The following TAF2 variants were observed in gnomAD, a reference collection of about 807,000 sequenced individuals.
The protein encoded by TAF2 is TATA-box binding protein associated factor 2.
Under a neutral mutation model 138.5 loss-of-function variants are expected in TAF2, and 61 were observed. The observed-to-expected ratio is 0.44, with a 90% CI of 0.36 to 0.54. The LOEUF is 0.54. TAF2 is among the 20% of genes least tolerant of loss of function. The pLI is 0.00. For missense variants in TAF2, 1,090 were observed against 1,427.9 expected (o/e 0.76, Z 3.81); for synonymous variants, 475 against 469.9 (o/e 1.01, Z -0.14).
chr8:119,815,115 C>A (rs1237720893), intron 3 of TAF2, among the ~76,000 whole-genome samples: 1 of 146,840 alleles, frequency 6.8e-6, no homozygotes, highest in East Asian at 2.2e-4. Flanking sequence ...AACCCTGTCT[C>A]TACTAAAAAT....
intron 3 of TAF2, among the ~76,000 whole-genome samples, chr8:119,817,269 C>T (rs765106080): frequency 6.6e-6 from 1 of 152,154 alleles, no homozygotes; most frequent in Non-Finnish European, 1.5e-5. Context: ...CCAGGCCACA[C>T]AGCAGGAGGT....
intron 22 of TAF2, among the ~76,000 whole-genome samples, chr8:119,754,033 G>A (rs1230680582): frequency 6.6e-6 from 1 of 152,028 alleles, no homozygotes; most frequent in East Asian, 1.9e-4. Context: ...CATTCTTTCA[G>A]AGATTAAAGA....
At chr8:119,791,210 G>A (rs943722218) in intron 11 of TAF2, 114 bp downstream of exon 11, 20 of 1,278,224 alleles carry the variant, frequency 1.6e-5, no homozygotes, top group Admixed American at 1.1e-4. Flanking sequence ...TACTTAGTGG[G>A]CAAACAAAAC....
chr8:119,751,994 AG>A (rs1820385336), intron 22 of TAF2, among the ~76,000 whole-genome samples: 1 of 152,132 alleles, frequency 6.6e-6, no homozygotes, highest in South Asian at 2.1e-4. Flanking sequence ...CCTTATTCTC[AG>A]GAGTATATAC....
intron 25 of TAF2, among the ~76,000 whole-genome samples, chr8:119,741,183 A>T (rs147475116): frequency 2.0e-5 from 3 of 152,332 alleles, no homozygotes; most frequent in African/African-American, 7.2e-5. Context: ...CACAAAAAAA[A>T]GTGTTCAGAT....
chr8:119,775,817 G>A (rs911207906), intron 18 of TAF2, among the ~76,000 whole-genome samples: 3 of 152,254 alleles, frequency 2.0e-5, no homozygotes, highest in South Asian at 2.1e-4. Flanking sequence ...TAAATAGCCA[G>A]TTATACCATC....
chr8:119,761,875 T>G (rs1351361165), intron 19 of TAF2: 1 of 152,300 alleles, frequency 6.6e-6, no homozygotes, highest in African/African-American at 2.4e-5. Context: ...AGGAATAGTT[T>G]TAAGAAAAAG....
At chr8:119,781,273 T>C (rs1193859847) in intron 16 of TAF2, 80 bp from the exon 17 acceptor site, 3 of 1,497,110 alleles carry the variant, frequency 2.0e-6, no homozygotes, top group African/African-American at 1.4e-5. Flanking sequence ...TTAAAAGTTA[T>C]CAATACTACA....
At chr8:119,803,815 T>C (rs1372153584) in intron 5 of TAF2, 63 bp downstream of exon 5, 2 of 1,449,910 alleles carry the variant, frequency 1.4e-6, no homozygotes, top group Non-Finnish European at 1.9e-6. Flanking sequence ...AATGTATGTC[T>C]TGCTTATACA....
chr8:119,789,035 T>C, intron 12 of TAF2, 131 bp from the exon 13 acceptor site: 1 of 670,472 alleles, frequency 1.5e-6, no homozygotes, highest in Non-Finnish European at 2.7e-6. Context: ...TACGCTACAG[T>C]AAACCAGGTG....
chr8:119,732,178 G>T lies in TAF2; in HGVS notation c.3346C>A (p.Gln1116Lys). 1.2e-6 allele frequency: 2 copies of T among 1,614,084 alleles called. No homozygotes were observed. Among genetic ancestry groups the T allele is most frequent in the Non-Finnish European group, 8.5e-7 (1 of 1,179,980 alleles). Residue 1116 changes from glutamine to lysine, a missense_variant, in exon 26 of 26, where the codon CAA becomes AAA. By Grantham distance (53) the Gln-to-Lys change is moderately conservative. Transcript: ENST00000378164. ...TGCATACTCATCTCCAAAGGTGCTT[G>T]TTCTTTACCTTCAAGATTAAAAATA... ...ELARKGTGKEQAPLEMSMHPA... is the reference protein window; with the variant it reads ...ELARKGTGKEKAPLEMSMHPA...
intron 6 of TAF2, among the ~76,000 whole-genome samples, chr8:119,799,655 G>C (rs1162705924): frequency 3.3e-5 from 5 of 152,084 alleles, no homozygotes; most frequent in Admixed American, 2.0e-4. Context: ...ATAATCCTTT[G>C]GGTATATACC....
intron 6 of TAF2, among the ~76,000 whole-genome samples, chr8:119,799,119 A>C (rs1824046179): frequency 6.6e-6 from 1 of 150,918 alleles, no homozygotes; most frequent in Non-Finnish European, 1.5e-5. Context: ...TTAAATACAA[A>C]ATCGGTACTA....
chr8:119,796,519 G>A (rs1051410133), intron 8 of TAF2, among the ~76,000 whole-genome samples: 1 of 152,028 alleles, frequency 6.6e-6, no homozygotes, highest in African/African-American at 2.4e-5. Context: ...TATTGCAGAG[G>A]AGTACTATTT....
chr8:119,818,697 ATTAT>A (rs1253406972), intron 3 of TAF2, among the ~76,000 whole-genome samples: 1 of 151,430 alleles, frequency 6.6e-6, no homozygotes, highest in Admixed American at 6.6e-5. Context: ...CAAATGGAGT[ATTAT>A]TTAACCACAA....
At position 119,797,407 on chromosome 8, in the gene TAF2, C is replaced by A. The variant is rs2326380; in HGVS notation, c.977+255G>T. ...GTACAATTTTTAAAGAATTTATGAA[C>A]ACAAGACTAAAACAGGGAAAATACT... On this transcript the variant is annotated intron_variant, in intron 7 of 25. Transcript: ENST00000378164. Among the ~76,000 whole-genome samples, 88,160 of 151,790 alleles carry A rather than the reference C, an allele frequency of 0.58. 25,765 individuals carry two copies. Among genetic ancestry groups the A allele is most frequent in the Middle Eastern group, 0.75 (220 of 292 alleles).
intron 11 of TAF2, among the ~76,000 whole-genome samples, chr8:119,790,406 C>A (rs1823337343): frequency 6.6e-6 from 1 of 151,894 alleles, no homozygotes; most frequent in Non-Finnish European, 1.5e-5. Flanking sequence ...CACCACTGCA[C>A]TCCAGCCTGG....
At chr8:119,762,379 G>T in intron 19 of TAF2, 36 bp downstream of exon 19, 1 of 1,587,568 alleles carries the variant, frequency 6.3e-7, no homozygotes, top group South Asian at 1.1e-5. Context: ...ACAGTTATAA[G>T]AACATATAAC....
chr8:119,807,821 C>T (rs1824769254), intron 3 of TAF2, among the ~76,000 whole-genome samples: 1 of 152,122 alleles, frequency 6.6e-6, no homozygotes, highest in Non-Finnish European at 1.5e-5. Context: ...ACTCGGGAGG[C>T]TGAGGCACGA....
Sources: gnomAD v4.1 joint callset for allele counts (sites outside exome capture counted in the v4.1 genomes callset) on GRCh38, gnomAD v4.1.1 for gene constraint, MANE v1.5 for transcripts, NCBI Gene and HGNC (gene_info 2026-07-23, HGNC 2026-07-21) for gene names.